The following ADCY5 variants were observed in gnomAD, a reference collection of about 807,000 sequenced individuals.
The protein encoded by ADCY5 is adenylate cyclase 5, also known as adenylate cyclase type 5.
ADCY5 carries 30 observed loss-of-function variants against 119.7 expected under a neutral mutation model. The observed-to-expected ratio is 0.25, with a 90% confidence interval of 0.19 to 0.34. The LOEUF (loss-of-function observed/expected upper bound fraction) is 0.34, where lower values mean the gene tolerates loss of function less well. Among genes scored for constraint, ADCY5 ranks in the 10% least tolerant of loss-of-function variants. ADCY5 has a pLI of 1.00. For synonymous variants in ADCY5, 753 were observed against 762.2 expected, an observed-to-expected ratio of 0.99 and a Z score of 0.20; for missense variants, 1,324 against 1,775.2, an observed-to-expected ratio of 0.75 and a Z score of 4.57.
chr3:123,364,864 C>T (rs2055166), intron 1 of ADCY5, among the ~76,000 whole-genome samples: 141,555 of 152,046 alleles, frequency 0.93, 66,428 homozygotes, highest in Non-Finnish European at 1. Context: ...AATCTACTTA[C>T]GGCTTTTTGT....
intron 12 of ADCY5, among the ~76,000 whole-genome samples, chr3:123,313,410 T>C (rs1940701362): frequency 1.3e-5 from 2 of 152,154 alleles, no homozygotes; most frequent in Admixed American, 6.5e-5. Context: ...CCCAGAGGCT[T>C]GGCTCCTAGT....
At chr3:123,312,800 T>C (rs1300916307) in intron 12 of ADCY5, among the ~76,000 whole-genome samples, 1 of 152,254 alleles carries the variant, frequency 6.6e-6, no homozygotes, top group Non-Finnish European at 1.5e-5. Context: ...TATTCATCTG[T>C]TGATGGATGC....
intron 1 of ADCY5, among the ~76,000 whole-genome samples, chr3:123,396,012 AAG>A (rs796574997): frequency 0.017 from 285 of 17,230 alleles, 6 homozygotes; most frequent in African/African-American, 0.052. Flanking sequence ...GAAAGAGAGA[AAG>A]AGAGAGGGAG....
At chr3:123,431,043 G>A (rs1945513044) in intron 1 of ADCY5, among the ~76,000 whole-genome samples, 1 of 152,168 alleles carries the variant, frequency 6.6e-6, no homozygotes, top group African/African-American at 2.4e-5. Context: ...AACGCATATG[G>A]GGAGTTGCCG....
At position 123,310,735 on chromosome 3, in the gene ADCY5, G is replaced by A. The variant is rs528170571; in HGVS notation, c.2442+3500C>T. Among the ~76,000 whole-genome samples the A allele has an allele frequency of 2.6e-5, 4 of 152,252 alleles. No individual in the cohort carries two copies. The East Asian group carries it at 7.7e-4, about 29-fold the overall frequency. On this transcript the variant is annotated intron_variant, in intron 12 of 20. Transcript: ENST00000462833. The stretch of plus-strand genomic sequence containing the variant: ...GCATCTCCAGAAGAAAGCACTCAAG[G>A]GTCCCTAAGGCAAGGCATCTGAGGG...
In ADCY5 at chr3:123,325,447, T is replaced by C. The variant is rs764208802; in HGVS notation, c.1963A>G (p.Met655Val). 11 of 1,614,088 alleles carry C rather than the reference T, an allele frequency of 6.8e-6. No individual in the cohort carries two copies. Among genetic ancestry groups the C allele is most frequent in the South Asian group, 3.3e-5 (3 of 91,086 alleles). The change falls in exon 8 of 21, where the codon ATG (methionine) becomes GTG (valine). Residue 655 changes from methionine to valine, a missense_variant. Around this residue, in one of 6 missense-constraint regions of ADCY5, gnomAD observed 424 missense variants for 546.8 expected, o/e 0.78. Coordinates refer to ENST00000462833, the MANE Select transcript of ADCY5 (RefSeq NM_183357.3). ...CTQKRKEEKA[M>V]IAKMNRQRTN... ...CTCTGGCGGTTCATCTTGGCGATCA[T>C]GGCCTTCTCTTCTTTCTGGAAGACG...
chr3:123,313,848 G>A (rs762596262), intron 12 of ADCY5, among the ~76,000 whole-genome samples: 3 of 152,178 alleles, frequency 2.0e-5, no homozygotes, highest in Non-Finnish European at 4.4e-5. Context: ...GCACCAAAGC[G>A]GGTGTCGAGA....
intron 1 of ADCY5, among the ~76,000 whole-genome samples, chr3:123,431,217 A>C (rs373676516): frequency 2.1e-4 from 32 of 152,348 alleles, no homozygotes; most frequent in African/African-American, 7.7e-4. Flanking sequence ...TTTACAGCGG[A>C]GTCAAAGACA....
rs1941429649 is a variant in ADCY5, at chr3:123,325,375, G to A, written c.2035C>T (p.Pro679Ser). The A allele has an allele frequency of 1.2e-6, 2 of 1,614,032 alleles. No individual in the cohort carries two copies. The highest frequency in any genetic ancestry group is 2.2e-5 in the East Asian group (1 of 44,870). ...HNPPHWGAERPFYNHLGGNQV... is the reference protein window; with the variant it reads ...HNPPHWGAERSFYNHLGGNQV... ...TTGCCACCCAGGTGGTTGTAGAAGG[G>A]GCGCTCAGCCCCCCAGTGTGGTGGG... Residue 679 changes from proline to serine, a missense_variant, in exon 8 of 21, where the codon CCC becomes TCC. By Grantham distance (74) the Pro-to-Ser change is moderately conservative. This residue lies in a region of ADCY5 where 424 missense variants were observed against 546.8 expected (regional missense o/e 0.78). Transcript: ENST00000462833.
In ADCY5 at chr3:123,286,417, A is replaced by G. The variant is rs557353491; in HGVS notation, c.3657+268T>C. 6.6e-6 allele frequency among the ~76,000 whole-genome samples: 1 copy of G among 152,272 alleles called. No homozygotes were observed. The highest frequency in any genetic ancestry group is 2.1e-4 in the South Asian group (1 of 4,832). On this transcript the variant is annotated intron_variant, in intron 20 of 20. Coordinates refer to ENST00000462833, the MANE Select transcript of ADCY5 (RefSeq NM_183357.3). This position sits in a 1 kb window ranked among gnomAD's most constrained non-coding sequence, Gnocchi z 4.2. ...GTGCACTCTCAGCTCGGCCTCTACA[A>G]TCAGATCCACTCCCAGCAGCCCCCA...
chr3:123,406,835 C>T lies in ADCY5; in HGVS notation c.1134+40577G>A, dbSNP rs531614528. The stretch of plus-strand genomic sequence containing the variant: ...AGTGCCTGGGCCCTCTCCACTTGAG[C>T]TGGCTCTCCTCCAGAACACGCCACT... On this transcript the variant is annotated intron_variant, in intron 1 of 20. Transcript: ENST00000462833. 3.3e-5 allele frequency among the ~76,000 whole-genome samples: 5 copies of T among 152,248 alleles called. No homozygotes were observed. The South Asian group carries it at 1.0e-3, about 32-fold the overall frequency.
chr3:123,425,431 G>C (rs1214002983), intron 1 of ADCY5, among the ~76,000 whole-genome samples: 1 of 152,220 alleles, frequency 6.6e-6, no homozygotes, highest in Non-Finnish European at 1.5e-5. Flanking sequence ...AGCTCTCTCA[G>C]CACTGAGGCC....
chr3:123,375,606 A>T (rs905189417), intron 1 of ADCY5, among the ~76,000 whole-genome samples: 2 of 152,244 alleles, frequency 1.3e-5, no homozygotes, highest in Non-Finnish European at 2.9e-5. Flanking sequence ...GAATGTCTTC[A>T]GCTAAGAGTC....
chr3:123,318,087 C>A lies in ADCY5; in HGVS notation c.2287G>T (p.Ala763Ser). The change falls in exon 11 of 21, where the codon GCC (alanine) becomes TCC (serine). Residue 763 changes from alanine to serine, a missense_variant. By Grantham distance (99) the Ala-to-Ser change is moderately conservative (BLOSUM62 1). This residue lies in a region of ADCY5 where 424 missense variants were observed against 546.8 expected (regional missense o/e 0.78). Transcript: ENST00000462833. ...ACGAGCGAGGCACACGCCACATAGGCACCAAATCGGTCGTCTACCTGCTTG... is the reference window on the plus strand; with the variant it reads ...ACGAGCGAGGCACACGCCACATAGGAACCAAATCGGTCGTCTACCTGCTTG... ...YSKQVDDRFG[A>S]YVACASLVFL... 1 of 1,613,834 alleles carries A rather than the reference C, an allele frequency of 6.2e-7. No homozygotes were observed. The highest frequency in any genetic ancestry group is 8.5e-7 in the Non-Finnish European group (1 of 1,179,928).
At chr3:123,408,351 T>G (rs528105532) in intron 1 of ADCY5, among the ~76,000 whole-genome samples, 150 of 151,850 alleles carry the variant, frequency 9.9e-4, no homozygotes, top group African/African-American at 3.1e-3. Flanking sequence ...TTTTGTTTTT[T>G]TTTTTTTTTT....
At chr3:123,437,494 A>T (rs960108281) in intron 1 of ADCY5, among the ~76,000 whole-genome samples, 1 of 152,128 alleles carries the variant, frequency 6.6e-6, no homozygotes, top group African/African-American at 2.4e-5. Flanking sequence ...GAGGTTACTT[A>T]CCTTCTCTTA....
intron 11 of ADCY5, among the ~76,000 whole-genome samples, chr3:123,317,642 G>C (rs1940987035): frequency 6.6e-6 from 1 of 151,944 alleles, no homozygotes; most frequent in Non-Finnish European, 1.5e-5. Flanking sequence ...GGCTGAGGCA[G>C]GAGAATTGCT....
intron 1 of ADCY5, among the ~76,000 whole-genome samples, chr3:123,426,411 C>G (rs1450095374): frequency 6.6e-6 from 1 of 151,762 alleles, no homozygotes; most frequent in Non-Finnish European, 1.5e-5. Context: ...GCAACCTCCC[C>G]CTCCTGGGTT....
rs756652189 is a variant in ADCY5 at position 123,448,314 on chromosome 3, C to T, written c.232G>A (p.Asp78Asn). 5 of 1,539,014 alleles carry T rather than the reference C, an allele frequency of 3.2e-6. No individual in the cohort carries two copies. Among genetic ancestry groups the T allele is most frequent in the Non-Finnish European group, 4.3e-6 (5 of 1,153,376 alleles). The change falls in exon 1 of 21, where the codon GAC (aspartate) becomes AAC (asparagine). Residue 78 changes from aspartate to asparagine, a missense_variant. Physicochemically the swap from Asp to Asn is conservative, Grantham distance 23. Around this residue, in one of 6 missense-constraint regions of ADCY5, gnomAD observed 585 missense variants for 569.9 expected, o/e 1.03. Coordinates refer to ENST00000462833, the MANE Select transcript of ADCY5 (RefSeq NM_183357.3). ...RLASRWRSDD[D>N]DDPPLSGDDP... ...TCACCGCTCAGCGGAGGATCGTCGT[C>T]GTCGTCGCTGCGCCAGCGGCTGGCC...
Sources: allele counts gnomAD v4.1 joint callset (sites outside exome capture counted in the v4.1 genomes callset), GRCh38; gene constraint gnomAD v4.1.1; regional missense constraint gnomAD v4.1.1; non-coding constraint Gnocchi (gnomAD v3.1); transcripts MANE v1.5; gene names NCBI Gene and HGNC (gene_info 2026-07-23, HGNC 2026-07-21).